Variants in FARP2 observed in about 807,000 individuals in gnomAD.
FARP2 encodes the protein FERM, ARHGEF and pleckstrin domain-containing protein 2.
A neutral mutation model predicts 130.5 loss-of-function variants in FARP2; 111 were observed. That is an observed-to-expected ratio of 0.85 (90% CI 0.73 to 1.00). The LOEUF (loss-of-function observed/expected upper bound fraction) is 1.00. Ranked by LOEUF, FARP2 falls within the 50% of genes least tolerant of loss-of-function variation. The pLI, the probability that FARP2 is intolerant of heterozygous loss-of-function variation, is 0.00. For synonymous variants in FARP2, 504 were observed against 516.9 expected, an observed-to-expected ratio of 0.98 and a Z score of 0.34; for missense variants, 1,385 against 1,346.3, an observed-to-expected ratio of 1.03 and a Z score of -0.45.
In FARP2 at chr2:241,468,162, G is replaced by A; in HGVS notation, c.1916G>A (p.Arg639Lys). The change falls in exon 18 of 27, where the codon AGA becomes AAA. Residue 639 changes from arginine to lysine, a missense_variant. Physicochemically the swap from Arg to Lys is conservative, Grantham distance 26. Coordinates refer to ENST00000264042, the MANE Select transcript of FARP2 (RefSeq NM_014808.4). ...CAGGAGTTTACCAGCTACTTCCAAA[G>A]ACATGACGAGGTCCTAACAGAACTG... The part of the protein sequence containing the change: ...QLKEFTSYFQ[R>K]HDEVLTELEK... The A allele has an allele frequency of 1.2e-6, 2 of 1,613,780 alleles. No individual in the cohort carries two copies. The highest frequency in any genetic ancestry group is 1.7e-6 in the Non-Finnish European group (2 of 1,179,744).
intron 1 of FARP2, among the ~76,000 whole-genome samples, chr2:241,357,781 G>A (rs1458655840): frequency 6.6e-6 from 1 of 152,144 alleles, no homozygotes; most frequent in Non-Finnish European, 1.5e-5. Flanking sequence ...TTTACCTATA[G>A]GACTATCAGT....
In FARP2 at chr2:241,474,238, G is replaced by A. The variant is rs533234589; in HGVS notation, c.2132-1619G>A. Among the ~76,000 whole-genome samples, 90 of 149,384 alleles carry A rather than the reference G, an allele frequency of 6.0e-4. 1 individual carries two copies. Among genetic ancestry groups the A allele is most frequent in the African/African-American group, 2.1e-3 (85 of 40,602 alleles). On this transcript the variant is annotated intron_variant, in intron 18 of 26. Transcript: ENST00000264042. ...GGAGAATGGCATGAACCCGGGAGGC[G>A]GAGCTGAGCTTGCAGTGAGCCGAGA...
intron 8 of FARP2, 117 bp from the exon 9 acceptor site, chr2:241,431,562 G>A: frequency 1.6e-6 from 1 of 629,512 alleles, no homozygotes; most frequent in Non-Finnish European, 2.8e-6. Flanking sequence ...AGATATAATG[G>A]TAAAATGCCA....
intron 6 of FARP2, among the ~76,000 whole-genome samples, chr2:241,411,982 G>A (rs1424285566): frequency 6.6e-6 from 1 of 152,144 alleles, no homozygotes; most frequent in Non-Finnish European, 1.5e-5. Context: ...TAGACACATG[G>A]CAACGAATGC....
In FARP2 at chr2:241,491,196, AC is replaced by A. The variant is rs769737396; in HGVS notation, c.2623+23del. 4.5e-6 allele frequency: 7 copies of A among 1,572,092 alleles called. No homozygotes were observed. Among genetic ancestry groups the A allele is most frequent in the Non-Finnish European group, 5.3e-6 (6 of 1,142,836 alleles). On this transcript the variant is annotated intron_variant, in intron 23 of 26. Transcript: ENST00000264042. ...GTCCCCCCAGTGAGTGCTGGCCACA[AC>A]CCCCCAGGAGACCTCCACTACACCT...
At chr2:241,378,363 C>T (rs531825242) in intron 2 of FARP2, among the ~76,000 whole-genome samples, 14 of 151,590 alleles carry the variant, frequency 9.2e-5, no homozygotes, top group African/African-American at 3.2e-4. Context: ...CGCCTCCCCC[C>T]CTCGGCCTCC....
At chr2:241,374,125 C>T (rs2061484542) in intron 2 of FARP2, among the ~76,000 whole-genome samples, 1 of 151,842 alleles carries the variant, frequency 6.6e-6, no homozygotes, top group African/African-American at 2.4e-5. Context: ...GATCCGCCCT[C>T]CTCAACCCCG....
intron 11 of FARP2, among the ~76,000 whole-genome samples, chr2:241,435,866 C>T (rs1054117447): frequency 7.0e-6 from 1 of 142,054 alleles, no homozygotes; most frequent in Admixed American, 7.1e-5. Flanking sequence ...AGTTTCTCTT[C>T]TGTATAGCTT....
chr2:241,398,206 T>C (rs1345174632), intron 2 of FARP2, among the ~76,000 whole-genome samples: 3 of 152,178 alleles, frequency 2.0e-5, no homozygotes, highest in African/African-American at 7.2e-5. Context: ...GTGTGCAGCT[T>C]GATAATTTTT....
chr2:241,428,401 A>ATTT (rs78380175), intron 8 of FARP2, among the ~76,000 whole-genome samples: 2 of 142,422 alleles, frequency 1.4e-5, no homozygotes, highest in Non-Finnish European at 3.1e-5. Flanking sequence ...TGTCCAGCTA[A>ATTT]TTTTTTTTTT....
At chr2:241,406,470 G>T (rs1337668975) in intron 4 of FARP2, among the ~76,000 whole-genome samples, 2 of 151,912 alleles carry the variant, frequency 1.3e-5, no homozygotes, top group Non-Finnish European at 2.9e-5. Context: ...GGAGGGGTGG[G>T]CAATCTCGTT....
rs531963370 is a variant in FARP2, at chr2:241,400,325, A to T, written c.184-3503A>T. The stretch of plus-strand genomic sequence containing the variant: ...GTCAGAATCAGGAGCAGTGGTGGAC[A>T]GTCCGGGAATCTGGCCGTGTGTGGT... On this transcript the variant is annotated intron_variant, in intron 2 of 26. Transcript: ENST00000264042. 7.9e-5 allele frequency among the ~76,000 whole-genome samples: 12 copies of T among 152,352 alleles called. No individual in the cohort carries two copies. In the East Asian group the frequency reaches 2.3e-3, roughly 29 times the overall value.
At position 241,494,163 on chromosome 2, in the gene FARP2, A is replaced by C. The variant is rs766464712; in HGVS notation, c.*38A>C. The stretch of plus-strand genomic sequence containing the variant: ...CCAGGTTTGGACACAACTACAAAGA[A>C]CAGCAGGACACAGAGGTGACCTCTG... On this transcript the variant is annotated 3_prime_UTR_variant, in exon 27 of 27. Coordinates refer to ENST00000264042, the MANE Select transcript of FARP2 (RefSeq NM_014808.4). The surrounding 1 kb of genome is among the most constrained non-coding windows in gnomAD (Gnocchi z 4.9). The C allele has an allele frequency of 2.3e-6, 3 of 1,279,486 alleles. No homozygotes were observed. In the South Asian group the frequency reaches 5.0e-5, roughly 21 times the overall value. 79.3% of individuals were successfully genotyped at this position (1,279,486 alleles called of 1,614,324 possible). A position where few individuals can be genotyped will look rare whatever the true frequency, so the allele number is the denominator to read the frequency against.
chr2:241,451,415 G>A (rs1192542733), intron 13 of FARP2, among the ~76,000 whole-genome samples: 3 of 152,186 alleles, frequency 2.0e-5, no homozygotes, highest in African/African-American at 7.2e-5. Flanking sequence ...CATAACTACT[G>A]TTTGTATCTC....
intron 8 of FARP2, among the ~76,000 whole-genome samples, chr2:241,421,705 A>T (rs2062814004): frequency 8.8e-6 from 1 of 114,052 alleles, no homozygotes. Context: ...GCAACAAGTC[A>T]GTACCCTCCT....
chr2:241,424,460 T>C (rs543777640), intron 8 of FARP2, among the ~76,000 whole-genome samples: 90 of 152,262 alleles, frequency 5.9e-4, no homozygotes, highest in African/African-American at 2.1e-3. Context: ...AGCTAAAGCA[T>C]TGTTAAGAGG....
Position 241,494,444 on chromosome 2 carries a change from C to T in FARP2, c.*319C>T, listed in dbSNP as rs891511583. ...CTGAGCAGTGCTCTCGGCATCGGAC[C>T]AAAGCCTGGGCACACCCTGCCTCTC... On this transcript the variant is annotated 3_prime_UTR_variant, in exon 27 of 27. Coordinates refer to ENST00000264042, the MANE Select transcript of FARP2 (RefSeq NM_014808.4). The surrounding 1 kb of genome is among the most constrained non-coding windows in gnomAD (Gnocchi z 4.9). 26 of 202,322 alleles carry T rather than the reference C, an allele frequency of 1.3e-4. No individual in the cohort carries two copies. The highest frequency in any genetic ancestry group is 2.6e-4 in the Non-Finnish European group (26 of 101,018). 12.5% of individuals were successfully genotyped at this position (202,322 alleles called of 1,614,324 possible).
At chr2:241,381,170 G>T (rs568153916) in intron 2 of FARP2, among the ~76,000 whole-genome samples, 1 of 152,202 alleles carries the variant, frequency 6.6e-6, no homozygotes, top group South Asian at 2.1e-4. Context: ...ACTCTGCTGT[G>T]GGCCCTGTAC....
intron 2 of FARP2, among the ~76,000 whole-genome samples, chr2:241,377,120 C>G (rs2061555686): frequency 6.6e-6 from 1 of 152,076 alleles, no homozygotes; most frequent in South Asian, 2.1e-4. Flanking sequence ...TGTCAGTTTA[C>G]TAGATTATCA....
Sources: allele counts gnomAD v4.1 joint callset (sites outside exome capture counted in the v4.1 genomes callset), GRCh38; gene constraint gnomAD v4.1.1; non-coding constraint Gnocchi (gnomAD v3.1); transcripts MANE v1.5; gene names NCBI Gene and HGNC (gene_info 2026-07-23, HGNC 2026-07-21).